Variants in ZNF491 observed in about 807,000 individuals in gnomAD.
The protein encoded by ZNF491 is zinc finger protein 491.
A neutral mutation model predicts 34.7 loss-of-function variants in ZNF491; 22 were observed. The observed-to-expected ratio is 0.63, with a 90% confidence interval of 0.45 to 0.90. ZNF491 has a LOEUF of 0.90. Ranked by LOEUF, ZNF491 falls within the 40% of genes least tolerant of loss-of-function variation. ZNF491 has a pLI of 0.00. For synonymous variants in ZNF491, 148 were observed against 174.3 expected, an observed-to-expected ratio of 0.85 and a Z score of 1.19; for missense variants, 559 against 531.7, an observed-to-expected ratio of 1.05 and a Z score of -0.51.
At chr19:11,799,345 G>A (rs891911010) in intron 1 of ZNF491, 1 of 152,114 alleles carries the variant, frequency 6.6e-6, no homozygotes, top group Non-Finnish European at 1.5e-5. Flanking sequence ...AGGATCCACG[G>A]AAATGGGCTC....
Position 11,806,630 on chromosome 19 carries a change from G to C in ZNF491, c.677G>C (p.Cys226Ser). 1.2e-6 allele frequency: 2 copies of C among 1,613,652 alleles called. No individual in the cohort carries two copies. The highest frequency in any genetic ancestry group is 1.7e-6 in the Non-Finnish European group (2 of 1,179,890). Residue 226 changes from cysteine (C) to serine (S), a missense_variant, in exon 3 of 3, where the codon TGT (cysteine) becomes TCT (serine). By Grantham distance (112) the Cys-to-Ser change is moderately radical. Transcript: ENST00000323169. ...KCKECGKAFN[C>S]PSSFHRHERT... ...AAGGAATGTGGGAAAGCCTTCAATT[G>C]TCCCAGTTCTTTTCACAGGCATGAA...
chr19:11,800,507 A>T (rs1975546757), intron 1 of ZNF491, among the ~76,000 whole-genome samples: 1 of 147,084 alleles, frequency 6.8e-6, no homozygotes, highest in Non-Finnish European at 1.5e-5. Context: ...CTCTGAAAAT[A>T]AGGAAAACTT....
chr19:11,806,252 A>G lies in ZNF491; in HGVS notation c.299A>G (p.Glu100Gly), dbSNP rs1322993846. 6.2e-7 allele frequency: 1 copy of G among 1,608,150 alleles called. No homozygotes were observed. Among genetic ancestry groups the G allele is most frequent in the Non-Finnish European group, 8.5e-7 (1 of 1,178,584 alleles). ...ACACATGAAAGGCCTCACACTAGAG[A>G]GAAACCTTTTGATTGTAAGGAATGT... Reference protein sequence around the residue: ...FRTHERPHTREKPFDCKECEK... With the variant: ...FRTHERPHTRGKPFDCKECEK... Residue 100 changes from glutamate (E) to glycine (G), a missense_variant, in exon 3 of 3, where the codon GAG becomes GGG. Coordinates refer to ENST00000323169, the MANE Select transcript of ZNF491 (RefSeq NM_152356.4).
chr19:11,803,381 G>A (rs757306023), intron 1 of ZNF491, among the ~76,000 whole-genome samples: 3 of 152,146 alleles, frequency 2.0e-5, no homozygotes, highest in Non-Finnish European at 4.4e-5. Context: ...CTTCTAATGT[G>A]AGCATCTTAC....
chr19:11,800,488 TATC>T (rs1314425204), intron 1 of ZNF491, among the ~76,000 whole-genome samples: 3 of 151,904 alleles, frequency 2.0e-5, no homozygotes, highest in Admixed American at 6.6e-5. Flanking sequence ...TTAAAAATGT[TATC>T]AACACCTCTG....
At position 11,799,466 on chromosome 19, in the gene ZNF491, A is replaced by T. The variant is rs1238615927; in HGVS notation, c.-134+739A>T. Among the ~76,000 whole-genome samples, 5 of 142,700 alleles carry T rather than the reference A, an allele frequency of 3.5e-5. No homozygotes were observed. In the East Asian group the frequency reaches 1.0e-3, roughly 30 times the overall value. The allele number at this position is 142,700 out of a possible 152,430, so 93.6% of individuals were successfully genotyped here. On this transcript the variant is annotated intron_variant, in intron 1 of 2. Coordinates refer to ENST00000323169, the MANE Select transcript of ZNF491 (RefSeq NM_152356.4). Reference sequence around the variant, plus strand: ...TTGTGAGGCACAACAATTTAATCAGAGTTTGGCCCGCCCCCCTCCCCCCGC... The same window carrying T: ...TTGTGAGGCACAACAATTTAATCAGTGTTTGGCCCGCCCCCCTCCCCCCGC...
At position 11,806,863 on chromosome 19, in the gene ZNF491, T is replaced by C. The variant is rs1267127377; in HGVS notation, c.910T>C (p.Cys304Arg). 1.4e-5 allele frequency: 22 copies of C among 1,609,990 alleles called. No individual in the cohort carries two copies. The highest frequency in any genetic ancestry group is 1.6e-5 in the Non-Finnish European group (19 of 1,178,414). Reference sequence around the variant, plus strand: ...AGAGAAACCCTACAAATGCAAGCAATGTGGGAAAGCCTTCACTTGTTCCAC... The same window carrying C: ...AGAGAAACCCTACAAATGCAAGCAACGTGGGAAAGCCTTCACTTGTTCCAC... ...TGEKPYKCKQ[C>R]GKAFTCSTSF... is the part of the protein sequence containing the mutation. The change falls in exon 3 of 3, where the codon TGT becomes CGT. Residue 304 changes from cysteine to arginine, a missense_variant. Cys to Arg is a radical substitution (Grantham distance 180). Transcript: ENST00000323169.
At chr19:11,800,238 AG>A (rs1975544111) in intron 1 of ZNF491, among the ~76,000 whole-genome samples, 2 of 152,234 alleles carry the variant, frequency 1.3e-5, no homozygotes, top group South Asian at 2.1e-4. Context: ...ACTCAAGAAG[AG>A]GGGGGCTCTG....
chr19:11,805,304 G>A (rs1442514702), intron 2 of ZNF491, among the ~76,000 whole-genome samples: 2 of 151,842 alleles, frequency 1.3e-5, no homozygotes, highest in East Asian at 1.9e-4. Context: ...AGCTACTCGG[G>A]AGGTTGAGGC....
Position 11,807,588 on chromosome 19 carries a change from A to C in ZNF491, c.*321A>C. On this transcript the variant is annotated 3_prime_UTR_variant, in exon 3 of 3. Transcript: ENST00000323169. ...CTTGTCAATCAAGAGTATCCTCCAA[A>C]TCTCTTGACTTTCCTTTTTTCAGAG... The C allele has an allele frequency of 3.8e-6, 1 of 263,488 alleles. No individual in the cohort carries two copies. Among genetic ancestry groups the C allele is most frequent in the Non-Finnish European group, 7.6e-6 (1 of 131,090 alleles). 16.3% of individuals were successfully genotyped at this position (263,488 alleles called of 1,614,324 possible). A position where few individuals can be genotyped will look rare whatever the true frequency, so the allele number is the denominator to read the frequency against.
Position 11,808,031 on chromosome 19 carries a change from T to C in ZNF491, c.*764T>C, listed in dbSNP as rs946766384. ...GTTCATTTTCAGTTATCTTTGATTA[T>C]ATGTGATTGACAATGTGTATTTTTG... On this transcript the variant is annotated 3_prime_UTR_variant, in exon 3 of 3. Coordinates refer to ENST00000323169, the MANE Select transcript of ZNF491 (RefSeq NM_152356.4). 1 of 167,122 alleles carries C rather than the reference T, an allele frequency of 6.0e-6. No individual in the cohort carries two copies. The highest frequency in any genetic ancestry group is 1.5e-5 in the Non-Finnish European group (1 of 68,124). The allele number at this position is 167,122 out of a possible 1,614,324, so 10.4% of individuals were successfully genotyped here. A position where few individuals can be genotyped will look rare whatever the true frequency, so the allele number is the denominator to read the frequency against.
chr19:11,806,635 A>G lies in ZNF491; in HGVS notation c.682A>G (p.Ser228Gly). Reference protein sequence around the residue: ...KECGKAFNCPSSFHRHERTHT... With the variant: ...KECGKAFNCPGSFHRHERTHT... ...ATGTGGGAAAGCCTTCAATTGTCCC[A>G]GTTCTTTTCACAGGCATGAAAGGAC... The change falls in exon 3 of 3, where the codon AGT becomes GGT. Residue 228 changes from serine (S) to glycine (G), a missense_variant. Ser to Gly is a moderately conservative substitution (Grantham distance 56, BLOSUM62 0). Coordinates refer to ENST00000323169, the MANE Select transcript of ZNF491 (RefSeq NM_152356.4). 6.2e-7 allele frequency: 1 copy of G among 1,613,958 alleles called. No homozygotes were observed. The highest frequency in any genetic ancestry group is 8.5e-7 in the Non-Finnish European group (1 of 1,179,940).
At position 11,806,898 on chromosome 19, in the gene ZNF491, A is replaced by G. The variant is rs1975622159; in HGVS notation, c.945A>G (p.Gln315=). The G allele has an allele frequency of 9.9e-6, 16 of 1,611,818 alleles. No individual in the cohort carries two copies. The highest frequency in any genetic ancestry group is 1.4e-5 in the Non-Finnish European group (16 of 1,179,156). Residue 315 remains glutamine (Q), a synonymous_variant, in exon 3 of 3, where the codon CAA becomes CAG. Coordinates refer to ENST00000323169, the MANE Select transcript of ZNF491 (RefSeq NM_152356.4). ...GKAFTCSTSF[Q]YHERTHTGEK... ...CCTTCACTTGTTCCACTTCGTTTCA[A>G]TATCATGAAAGGACTCACACTGGAG...
Position 11,808,229 on chromosome 19 carries a change from A to C in ZNF491, c.*962A>C. The C allele has an allele frequency of 6.2e-6, 1 of 161,052 alleles. No individual in the cohort carries two copies. 10.0% of individuals were successfully genotyped at this position (161,052 alleles called of 1,614,324 possible). ...AAACCCCATCTCTACTAAAAGTACC[A>C]AAGTTAGCCGGGTGTGGTGGTGGAT... On this transcript the variant is annotated 3_prime_UTR_variant, in exon 3 of 3. Transcript: ENST00000323169.
intron 2 of ZNF491, among the ~76,000 whole-genome samples, chr19:11,804,922 T>C (rs889201725): frequency 6.6e-6 from 1 of 152,198 alleles, no homozygotes; most frequent in Non-Finnish European, 1.5e-5. Flanking sequence ...AAATCTAAGA[T>C]AATTTACACT....
At position 11,806,882 on chromosome 19, in the gene ZNF491, G is replaced by C; in HGVS notation, c.929G>C (p.Cys310Ser). ...KCKQCGKAFT[C>S]STSFQYHERT... Reference sequence around the variant, plus strand: ...AAGCAATGTGGGAAAGCCTTCACTTGTTCCACTTCGTTTCAATATCATGAA... The same window carrying C: ...AAGCAATGTGGGAAAGCCTTCACTTCTTCCACTTCGTTTCAATATCATGAA... Residue 310 changes from cysteine to serine, a missense_variant, in exon 3 of 3, where the codon TGT (cysteine) becomes TCT (serine). Cys to Ser is a moderately radical substitution (Grantham distance 112). Transcript: ENST00000323169. 6.2e-7 allele frequency: 1 copy of C among 1,610,786 alleles called. No individual in the cohort carries two copies. Among genetic ancestry groups the C allele is most frequent in the Non-Finnish European group, 8.5e-7 (1 of 1,178,708 alleles).
intron 1 of ZNF491, among the ~76,000 whole-genome samples, chr19:11,799,943 T>C (rs186790785): frequency 2.3e-4 from 34 of 146,680 alleles, no homozygotes; most frequent in Non-Finnish European, 3.6e-4. Flanking sequence ...AAAAAAAAAA[T>C]TAGTCAGGTA....
intron 2 of ZNF491, 93 bp downstream of exon 2, chr19:11,804,760 A>C (rs1975591290): frequency 3.5e-6 from 2 of 565,518 alleles, no homozygotes; most frequent in Non-Finnish European, 5.0e-6. Context: ...ATGGATAGGC[A>C]ATCCTTCGAT....
intron 1 of ZNF491, among the ~76,000 whole-genome samples, chr19:11,803,374 C>T (rs1975575831): frequency 6.6e-6 from 1 of 152,178 alleles, no homozygotes; most frequent in Admixed American, 6.5e-5. Flanking sequence ...CCATTTTCTT[C>T]TAATGTGAGC....
Sources: gnomAD v4.1 joint callset for allele counts (sites outside exome capture counted in the v4.1 genomes callset) on GRCh38, gnomAD v4.1.1 for gene constraint, MANE v1.5 for transcripts, NCBI Gene and HGNC (gene_info 2026-07-23, HGNC 2026-07-21) for gene names.